SKA2: variants seen among roughly 807,000 people sequenced by gnomAD.
SKA2 encodes the protein spindle and kinetochore associated complex subunit 2.
SKA2 carries 13 observed loss-of-function variants against 16.9 expected under a neutral mutation model. That is an observed-to-expected ratio of 0.77 (90% CI 0.50 to 1.22). The LOEUF is 1.22. Ranked by LOEUF, SKA2 falls within the 50% of genes most tolerant of loss-of-function variation. The pLI, the probability that SKA2 is intolerant of heterozygous loss-of-function variation, is 0.00. For synonymous variants in SKA2, 47 were observed against 48.5 expected (o/e 0.97, Z 0.13); for missense variants, 107 against 139.7 (o/e 0.77, Z 1.18).
chr17:59,135,890 A>G (rs1895509043), intron 1 of SKA2, among the ~76,000 whole-genome samples: 1 of 151,014 alleles, frequency 6.6e-6, no homozygotes, highest in African/African-American at 2.4e-5. Context: ...AAAAGACAAG[A>G]AAAACAGCTT....
intron 1 of SKA2, among the ~76,000 whole-genome samples, chr17:59,133,852 G>A (rs8072182): frequency 0.43 from 64,760 of 151,932 alleles, 16,060 homozygotes; most frequent in African/African-American, 0.7. Flanking sequence ...AGAAAGAGAA[G>A]GTTTTTGTTT....
chr17:59,128,352 C>T (rs2147803844), intron 2 of SKA2, among the ~76,000 whole-genome samples: 1 of 152,060 alleles, frequency 6.6e-6, no homozygotes, highest in East Asian at 1.9e-4. Context: ...GGGCCAGGTG[C>T]AGTGGCTCAT....
At chr17:59,154,864 G>T (rs966746330) in intron 1 of SKA2, 2 of 1,408,454 alleles carry the variant, frequency 1.4e-6, no homozygotes, top group Non-Finnish European at 2.0e-6. Context: ...GGGGTGTAAA[G>T]GTGAGGGCAA....
rs148808356 is a variant in SKA2, at chr17:59,144,383, C to T, written c.33+10748G>A. 2.6e-5 allele frequency among the ~76,000 whole-genome samples: 4 copies of T among 152,186 alleles called. No individual in the cohort carries two copies. In the East Asian group the frequency reaches 7.7e-4, roughly 29 times the overall value. ...CTCAAAAAACTAAAAATAGAATTAC[C>T]ATATTATCCACCAATTCCACTTCTG... On this transcript the variant is annotated intron_variant, in intron 1 of 3. Coordinates refer to ENST00000330137, the MANE Select transcript of SKA2 (RefSeq NM_182620.4).
intron 1 of SKA2, among the ~76,000 whole-genome samples, chr17:59,152,555 T>C (rs552662596): frequency 1.3e-5 from 2 of 152,294 alleles, no homozygotes; most frequent in South Asian, 4.1e-4. Context: ...ATTAACAAAA[T>C]TAGGATAAAC....
intron 3 of SKA2, chr17:59,118,061 T>C (rs2046308555): frequency 6.6e-6 from 1 of 152,206 alleles, no homozygotes; most frequent in African/African-American, 2.4e-5. Context: ...GGTCAGGAGT[T>C]CGAGACCACC....
intron 1 of SKA2, among the ~76,000 whole-genome samples, chr17:59,143,626 A>G (rs2046509255): frequency 6.6e-6 from 1 of 151,870 alleles, no homozygotes; most frequent in Admixed American, 6.6e-5. Flanking sequence ...TGCCCACCTC[A>G]GCCTCCAAAA....
chr17:59,113,471 C>G (rs1244900030), intron 3 of SKA2, among the ~76,000 whole-genome samples: 1 of 151,814 alleles, frequency 6.6e-6, no homozygotes. Context: ...TGCAGTGACC[C>G]AAGATCGCAC....
At chr17:59,116,331 C>T (rs750153774) in intron 3 of SKA2, among the ~76,000 whole-genome samples, 1 of 152,172 alleles carries the variant, frequency 6.6e-6, no homozygotes, top group African/African-American at 2.4e-5. Flanking sequence ...CAAGATTGTG[C>T]CACTGCACCC....
At position 59,112,017 on chromosome 17, in the gene SKA2, A is replaced by G. The variant is rs1197230840; in HGVS notation, c.*260T>C. 4 of 346,524 alleles carry G rather than the reference A, an allele frequency of 1.2e-5. No homozygotes were observed. The highest frequency in any genetic ancestry group is 7.9e-5 in the South Asian group (1 of 12,640). The allele number at this position is 346,524 out of a possible 1,614,324, so 21.5% of individuals were successfully genotyped here. On this transcript the variant is annotated 3_prime_UTR_variant, in exon 4 of 4. Transcript: ENST00000330137. The stretch of plus-strand genomic sequence containing the variant: ...ATTTCTGGCCTGAAATTACAAGACT[A>G]AGTGTGTGTGTGCATGCGTGTGTAC...
intron 1 of SKA2, among the ~76,000 whole-genome samples, chr17:59,135,289 T>C (rs2046436755): frequency 1.3e-5 from 2 of 151,540 alleles, no homozygotes; most frequent in South Asian, 4.2e-4. Flanking sequence ...ATCAATGGTA[T>C]GATGAAATCA....
At chr17:59,112,701 T>C (rs751871837) in intron 3 of SKA2, among the ~76,000 whole-genome samples, 3 of 152,194 alleles carry the variant, frequency 2.0e-5, no homozygotes, top group Non-Finnish European at 4.4e-5. Context: ...AATCCACAGA[T>C]GCTCAAGTCC....
intron 1 of SKA2, among the ~76,000 whole-genome samples, chr17:59,148,816 AAAAAAAAAAAAAAAG>A (rs1248980254): frequency 6.7e-6 from 1 of 150,016 alleles, no homozygotes; most frequent in Non-Finnish European, 1.5e-5. Context: ...CTCAAAAAAA[AAAAAAAAAAAAAAAG>A]AAAAGAAAAT....
chr17:59,132,158 C>T (rs1466145017), intron 1 of SKA2, among the ~76,000 whole-genome samples: 2 of 151,806 alleles, frequency 1.3e-5, no homozygotes, highest in Non-Finnish European at 2.9e-5. Context: ...GAGTTTGAGA[C>T]CAGCCTGGCT....
At chr17:59,140,904 T>A (rs890751265) in intron 1 of SKA2, among the ~76,000 whole-genome samples, 1 of 151,670 alleles carries the variant, frequency 6.6e-6, no homozygotes, top group Non-Finnish European at 1.5e-5. Context: ...ATTACAGGCA[T>A]GAGCCACCGC....
intron 1 of SKA2, among the ~76,000 whole-genome samples, chr17:59,146,169 T>G (rs2046530840): frequency 6.6e-6 from 1 of 152,124 alleles, no homozygotes; most frequent in South Asian, 2.1e-4. Flanking sequence ...GATGAAACCT[T>G]AGCAAAAATT....
At chr17:59,134,562 T>C (rs1179527720) in intron 1 of SKA2, among the ~76,000 whole-genome samples, 1 of 149,006 alleles carries the variant, frequency 6.7e-6, no homozygotes, top group Non-Finnish European at 1.5e-5. Flanking sequence ...TAACTTTCCT[T>C]TTTTTTTTTG....
rs113246125 is a variant in SKA2, at chr17:59,139,396, CA to C, written c.34-8030del. Among the ~76,000 whole-genome samples the C allele has an allele frequency of 7.8e-3, 394 of 50,348 alleles. 2 individuals carry two copies. The highest frequency in any genetic ancestry group is 0.045 in the Admixed American group (233 of 5,198). The allele number at this position is 50,348 out of a possible 152,430, so 33.0% of individuals were successfully genotyped here. A position where few individuals can be genotyped will look rare whatever the true frequency, so the allele number is the denominator to read the frequency against. ...TGGGCAACAGAGCAAGACTCCGTCT[CA>C]AAAAAAAAAAAAAAAAAAAAAGAAA... On this transcript the variant is annotated intron_variant, in intron 1 of 3. Transcript: ENST00000330137.
chr17:59,141,374 C>A (rs1004766991), intron 1 of SKA2, among the ~76,000 whole-genome samples: 3 of 151,642 alleles, frequency 2.0e-5, no homozygotes, highest in African/African-American at 7.3e-5. Flanking sequence ...TGCAGCCTGG[C>A]GACAGAGCAA....
Sources: gnomAD v4.1 joint callset for allele counts (sites outside exome capture counted in the v4.1 genomes callset) on GRCh38, gnomAD v4.1.1 for gene constraint, MANE v1.5 for transcripts, NCBI Gene and HGNC (gene_info 2026-07-23, HGNC 2026-07-21) for gene names.